The following LIME1 variants were observed in gnomAD, a reference collection of about 807,000 sequenced individuals.
LIME1 encodes the protein lck-interacting transmembrane adapter 1.
A neutral mutation model predicts 18.8 loss-of-function variants in LIME1; 23 were observed. That is an observed-to-expected ratio of 1.22 (90% confidence interval 0.88 to 1.73). The LOEUF (loss-of-function observed/expected upper bound fraction) is 1.73, where lower values mean the gene tolerates loss of function less well. Ranked by LOEUF, LIME1 falls within the 40% of genes most tolerant of loss-of-function variation. LIME1 has a pLI of 0.00. For synonymous variants in LIME1, 177 were observed against 182.3 expected (o/e 0.97, Z 0.23); for missense variants, 423 against 396.8 (o/e 1.07, Z -0.56).
Position 63,738,229 on chromosome 20 carries a change from G to A in LIME1, c.315G>A (p.Glu105=). The change falls in exon 5 of 6, where the codon GAG becomes GAA. Residue 105 remains glutamate (E), a synonymous_variant. Transcript: ENST00000309546. ...SMDLLRPHWL[E]VSRDITGPQA... is the part of the protein sequence containing the mutation. ...ATCTCCTGCGCCCACACTGGCTGGA[G>A]GTGTCCAGGGACATCACCGGACCGC... 1 of 1,591,384 alleles carries A rather than the reference G, an allele frequency of 6.3e-7. No homozygotes were observed. The highest frequency in any genetic ancestry group is 8.5e-7 in the Non-Finnish European group (1 of 1,174,098).
chr20:63,738,399 C>T lies in LIME1; in HGVS notation c.485C>T (p.Pro162Leu), dbSNP rs971974937. 5.8e-6 allele frequency: 9 copies of T among 1,550,850 alleles called. No homozygotes were observed. In the African/African-American group the frequency reaches 1.1e-4, roughly 19 times the overall value. The change falls in exon 5 of 6, where the codon CCT becomes CTT. Residue 162 changes from proline to leucine, a missense_variant. Transcript: ENST00000309546. ...ALPGVSLAASPVVAEYARVQK... is the reference protein window; with the variant it reads ...ALPGVSLAASLVVAEYARVQK... ...CCCGGGGTCAGCCTGGCGGCCAGCC[C>T]TGTGGTGGCCGAGTATGCCCGCGTC...
At position 63,738,669 on chromosome 20, in the gene LIME1, C is replaced by T; in HGVS notation, c.657C>T (p.Asp219=). 1 of 1,612,246 alleles carries T rather than the reference C, an allele frequency of 6.2e-7. No homozygotes were observed. Among genetic ancestry groups the T allele is most frequent in the Non-Finnish European group, 8.5e-7 (1 of 1,179,516 alleles). ...CAGGACCCACCACAGACCCGCTGGA[C>T]CCCAAGGGCCAGGGAGCGATTCTGG... ...RDPGPTTDPL[D]PKGQGAILAL... is the part of the protein sequence containing the mutation. Residue 219 remains aspartate, a synonymous_variant, in exon 6 of 6, where the codon GAC becomes GAT. Coordinates refer to ENST00000309546, the MANE Select transcript of LIME1 (RefSeq NM_017806.4).
Position 63,738,504 on chromosome 20 carries a change from C to T in LIME1, c.585+5C>T, listed in dbSNP as rs188602790. On this transcript the variant is annotated splice_donor_5th_base_variant and intron_variant, in intron 5 of 5. Coordinates refer to ENST00000309546, the MANE Select transcript of LIME1 (RefSeq NM_017806.4). ...GAGGTGACCCCGGCCGCTCAGGTAA[C>T]GTGGGCCAGGGTAGGGCGCTGTGGG... 2.6e-5 allele frequency: 40 copies of T among 1,513,918 alleles called. No homozygotes were observed. The Admixed American group carries it at 6.7e-4, about 25-fold the overall frequency. 93.8% of individuals were successfully genotyped at this position (1,513,918 alleles called of 1,614,324 possible).
chr20:63,737,529 C>G lies in LIME1; in HGVS notation c.-17-4C>G, dbSNP rs373702304. Reference sequence around the variant, plus strand: ...CCCCCAGCGCCCCTTTCTTCTGTCCCCAGGGCCTCGGCTTCACAGGATGGG... The same window carrying G: ...CCCCCAGCGCCCCTTTCTTCTGTCCGCAGGGCCTCGGCTTCACAGGATGGG... On this transcript the variant is annotated splice_region_variant and splice_polypyrimidine_tract_variant and intron_variant, in intron 1 of 5. Coordinates refer to ENST00000309546, the MANE Select transcript of LIME1 (RefSeq NM_017806.4). The G allele has an allele frequency of 4.6e-6, 7 of 1,520,106 alleles. No individual in the cohort carries two copies. The African/African-American group carries it at 8.5e-5, about 18-fold the overall frequency. 94.2% of individuals were successfully genotyped at this position (1,520,106 alleles called of 1,614,324 possible).
Position 63,736,665 on chromosome 20 carries a change from T to G in LIME1, c.-65T>G. The G allele has an allele frequency of 1.0e-6, 1 of 985,762 alleles. No individual in the cohort carries two copies. Among genetic ancestry groups the G allele is most frequent in the Non-Finnish European group, 1.2e-6 (1 of 830,200 alleles). The allele number at this position is 985,762 out of a possible 1,614,324, so 61.1% of individuals were successfully genotyped here. A position where few individuals can be genotyped will look rare whatever the true frequency, so the allele number is the denominator to read the frequency against. On this transcript the variant is annotated 5_prime_UTR_variant, in exon 1 of 6. Transcript: ENST00000309546. ...CTCAGCCGAGGGCTGCACAAAGACC[T>G]TCCTGGCCTGCCCCAGACAGAGCTG...
chr20:63,736,664 C>A lies in LIME1; in HGVS notation c.-66C>A, dbSNP rs2091993080. 2.0e-6 allele frequency: 2 copies of A among 985,704 alleles called. No individual in the cohort carries two copies. Among genetic ancestry groups the A allele is most frequent in the Non-Finnish European group, 2.4e-6 (2 of 830,206 alleles). The allele number at this position is 985,704 out of a possible 1,614,324, so 61.1% of individuals were successfully genotyped here. ...GCTCAGCCGAGGGCTGCACAAAGAC[C>A]TTCCTGGCCTGCCCCAGACAGAGCT... On this transcript the variant is annotated 5_prime_UTR_variant, in exon 1 of 6. Transcript: ENST00000309546.
chr20:63,738,096 G>A, intron 4 of LIME1, 36 bp downstream of exon 4: 5 of 1,525,040 alleles, frequency 3.3e-6, no homozygotes, highest in Non-Finnish European at 4.4e-6. Flanking sequence ...GCCGGGCGGG[G>A]CTTACTGTGC....
At chr20:63,735,744 C>T (rs1360911244), upstream of LIME1, 1 of 1,564,706 alleles carries the variant, frequency 6.4e-7, no homozygotes, top group African/African-American at 1.4e-5. Context: ...GGTGGCATGG[C>T]CCAGGACCCC....
upstream of LIME1, chr20:63,736,440 C>T: frequency 8.9e-6 from 2 of 225,172 alleles, no homozygotes; most frequent in Admixed American, 1.1e-4. Context: ...GGGTTCTGTG[C>T]CAGCTCTGCT....
intron 1 of LIME1, 94 bp downstream of exon 1, chr20:63,736,806 G>A: frequency 2.0e-6 from 2 of 986,144 alleles, no homozygotes; most frequent in Non-Finnish European, 2.4e-6. Flanking sequence ...CACTCCCTGG[G>A]TCTGAGCAGA....
Position 63,738,411 on chromosome 20 carries a change from A to G in LIME1, c.497A>G (p.Glu166Gly). 1 of 1,548,518 alleles carries G rather than the reference A, an allele frequency of 6.5e-7. No individual in the cohort carries two copies. The change falls in exon 5 of 6, where the codon GAG becomes GGG. Residue 166 changes from glutamate to glycine, a missense_variant. Coordinates refer to ENST00000309546, the MANE Select transcript of LIME1 (RefSeq NM_017806.4). ...VSLAASPVVA[E>G]YARVQKRKGT... ...CTGGCGGCCAGCCCTGTGGTGGCCG[A>G]GTATGCCCGCGTCCAGAAGCGCAAA...
upstream of LIME1, chr20:63,735,930 A>C (rs763602447): frequency 9.3e-6 from 15 of 1,607,682 alleles, no homozygotes; most frequent in Middle Eastern, 1.6e-4. Flanking sequence ...AGACCCCACA[A>C]GCACTATGGA....
In LIME1 at chr20:63,736,671, G is replaced by A; in HGVS notation, c.-59G>A. On this transcript the variant is annotated 5_prime_UTR_variant, in exon 1 of 6. Transcript: ENST00000309546. ...CGAGGGCTGCACAAAGACCTTCCTG[G>A]CCTGCCCCAGACAGAGCTGAGGACC... 6.1e-6 allele frequency: 6 copies of A among 985,812 alleles called. No individual in the cohort carries two copies. The highest frequency in any genetic ancestry group is 7.2e-6 in the Non-Finnish European group (6 of 830,242). The allele number at this position is 985,812 out of a possible 1,614,324, so 61.1% of individuals were successfully genotyped here.
Position 63,739,003 on chromosome 20 carries a change from C to G in LIME1, c.*103C>G. On this transcript the variant is annotated 3_prime_UTR_variant, in exon 6 of 6. Coordinates refer to ENST00000309546, the MANE Select transcript of LIME1 (RefSeq NM_017806.4). ...AGTCCCAGGTCCCCGGGCTGCCAGC[C>G]CGTGAGGTCCGTGAGGTCCTGGCCG... 1.0e-6 allele frequency: 1 copy of G among 988,088 alleles called. No homozygotes were observed. The highest frequency in any genetic ancestry group is 1.5e-6 in the Non-Finnish European group (1 of 689,514). 61.2% of individuals were successfully genotyped at this position (988,088 alleles called of 1,614,324 possible). A position where few individuals can be genotyped will look rare whatever the true frequency, so the allele number is the denominator to read the frequency against.
intron 2 of LIME1, 45 bp from the exon 3 acceptor site, chr20:63,737,776 C>A: frequency 7.0e-7 from 1 of 1,422,756 alleles, no homozygotes; most frequent in Non-Finnish European, 9.2e-7. Context: ...GCCTTGGACC[C>A]GAGGCTGACG....
chr20:63,738,346 C>G lies in LIME1; in HGVS notation c.432C>G (p.Thr144=). 2 of 1,558,234 alleles carry G rather than the reference C, an allele frequency of 1.3e-6. No homozygotes were observed. The highest frequency in any genetic ancestry group is 1.7e-6 in the Non-Finnish European group (2 of 1,153,626). The change falls in exon 5 of 6, where the codon ACC becomes ACG. Residue 144 remains threonine (T), a synonymous_variant. Coordinates refer to ENST00000309546, the MANE Select transcript of LIME1 (RefSeq NM_017806.4). The part of the protein sequence containing the change: ...ATAGCAGLEA[T]YSNVGLAALP... ...CAGGGTGCGCTGGCCTCGAGGCCAC[C>G]TATTCCAACGTGGGGCTGGCGGCCC...
rs1017667308 is a variant in LIME1, at chr20:63,738,480, A to G, written c.566A>G (p.Glu189Gly). 4.0e-6 allele frequency: 6 copies of G among 1,518,988 alleles called. No homozygotes were observed. In the Middle Eastern group the frequency reaches 5.3e-4, roughly 135 times the overall value. The allele number at this position is 1,518,988 out of a possible 1,614,324, so 94.1% of individuals were successfully genotyped here. ...CAAGAGCCACAGCAGGGGAAGACTG[A>G]GGTGACCCCGGCCGCTCAGGTAACG... Reference protein sequence around the residue: ...SPQEPQQGKTEVTPAAQVDVL... With the variant: ...SPQEPQQGKTGVTPAAQVDVL... Residue 189 changes from glutamate to glycine, a missense_variant, in exon 5 of 6, where the codon GAG becomes GGG. Glu to Gly is a moderately conservative substitution (Grantham distance 98, BLOSUM62 -2). Coordinates refer to ENST00000309546, the MANE Select transcript of LIME1 (RefSeq NM_017806.4).
At chr20:63,737,428 G>A in intron 1 of LIME1, 105 bp from the exon 2 acceptor site, 20 of 1,380,354 alleles carry the variant, frequency 1.4e-5, no homozygotes, top group Non-Finnish European at 1.9e-5. Context: ...GAGCTGGAAC[G>A]GGAGACGCAG....
Position 63,738,677 on chromosome 20 carries a change from GC to G in LIME1, c.667del (p.Gln223ArgfsTer61), listed in dbSNP as rs773198209. The G allele has an allele frequency of 1.9e-6, 3 of 1,612,740 alleles. No individual in the cohort carries two copies. The East Asian group carries it at 6.7e-5, about 36-fold the overall frequency. On this transcript the variant is annotated frameshift_variant, in exon 6 of 6. Coordinates refer to ENST00000309546, the MANE Select transcript of LIME1 (RefSeq NM_017806.4). LOFTEE classifies it low-confidence loss of function (END_TRUNC). ...ACCACAGACCCGCTGGACCCCAAGGGCCAGGGAGCGATTCTGGCCCTGGCGG... is the reference window on the plus strand; with the variant it reads ...ACCACAGACCCGCTGGACCCCAAGGGCAGGGAGCGATTCTGGCCCTGGCGG... ...GPTTDPLDPK[G>X]QGAILALAGD... is the part of the protein sequence containing the mutation.
Sources: allele counts gnomAD v4.1 joint callset, GRCh38; gene constraint gnomAD v4.1.1; transcripts MANE v1.5; gene names NCBI Gene and HGNC (gene_info 2026-07-23, HGNC 2026-07-21).